Variants in PRRC2C observed in about 807,000 individuals in gnomAD.
The protein encoded by PRRC2C is proline rich coiled-coil 2C.
PRRC2C carries 72 observed loss-of-function variants against 317.2 expected under a neutral mutation model. The observed-to-expected ratio is 0.23, with a 90% CI of 0.19 to 0.28. The LOEUF is 0.28. Ranked by LOEUF, PRRC2C falls within the 10% of genes least tolerant of loss-of-function variation. The pLI, the probability that PRRC2C is intolerant of heterozygous loss-of-function variation, is 1.00. For synonymous variants in PRRC2C, 1,296 were observed against 1,205.9 expected (o/e 1.07, Z -1.55); for missense variants, 3,074 against 3,459.7 (o/e 0.89, Z 2.80).
At chr1:171,500,157 G>A (rs1668826110) in intron 1 of PRRC2C, among the ~76,000 whole-genome samples, 1 of 152,184 alleles carries the variant, frequency 6.6e-6, no homozygotes, top group Non-Finnish European at 1.5e-5. Flanking sequence ...GAAACCCATT[G>A]TGGCCAGAAA....
chr1:171,519,191 A>G (rs549067451), intron 6 of PRRC2C, among the ~76,000 whole-genome samples: 19 of 152,264 alleles, frequency 1.2e-4, no homozygotes, highest in Middle Eastern at 3.4e-3. Flanking sequence ...CTCTTTTCCT[A>G]CCACTTTGGA....
chr1:171,532,825 A>G lies in PRRC2C; in HGVS notation c.1737A>G (p.Leu579=). 1.3e-6 allele frequency: 2 copies of G among 1,595,666 alleles called. No homozygotes were observed. The highest frequency in any genetic ancestry group is 1.4e-5 in the African/African-American group (1 of 73,754). The change falls in exon 12 of 35, where the codon CTA becomes CTG. Residue 579 remains leucine, a synonymous_variant. Transcript: ENST00000647382. ...LERQKEKEKE[L]QKMKEQEKEC... is the part of the protein sequence containing the mutation. Reference sequence around the variant, plus strand: ...GGCAGAAAGAAAAGGAAAAAGAACTACAAAAGATGAAAGAACAAGAAAAGG... The same window carrying G: ...GGCAGAAAGAAAAGGAAAAAGAACTGCAAAAGATGAAAGAACAAGAAAAGG...
chr1:171,486,953 C>T (rs1666243281), intron 1 of PRRC2C, among the ~76,000 whole-genome samples: 1 of 152,158 alleles, frequency 6.6e-6, no homozygotes, highest in South Asian at 2.1e-4. Context: ...TCTGGCTCAC[C>T]CCAAATGCAT....
chr1:171,579,479 A>G lies in PRRC2C; in HGVS notation c.7272+13A>G, dbSNP rs1390880818. 7 of 1,611,660 alleles carry G rather than the reference A, an allele frequency of 4.3e-6. No individual in the cohort carries two copies. The highest frequency in any genetic ancestry group is 1.7e-6 in the Non-Finnish European group (2 of 1,179,668). ...AGGTCTCTCTCAGGTAATATCAAAGACTTCTTCCATCCTGTATTTGTTCCT... is the reference window on the plus strand; with the variant it reads ...AGGTCTCTCTCAGGTAATATCAAAGGCTTCTTCCATCCTGTATTTGTTCCT... On this transcript the variant is annotated intron_variant, in intron 27 of 34. Transcript: ENST00000647382.
chr1:171,537,341 T>C lies in PRRC2C; in HGVS notation c.2372T>C (p.Ile791Thr), dbSNP rs766825899. 9.4e-6 allele frequency: 15 copies of C among 1,597,110 alleles called. No individual in the cohort carries two copies. The highest frequency in any genetic ancestry group is 3.4e-5 in the South Asian group (3 of 87,780). Reference sequence around the variant, plus strand: ...AACAGTTCTGAGTCATTTGAGCATATAGCTCGATCTGCAAGAGATCACGCA... The same window carrying C: ...AACAGTTCTGAGTCATTTGAGCATACAGCTCGATCTGCAAGAGATCACGCA... ...SPNSSESFEHIARSARDHAIS... is the reference protein window; with the variant it reads ...SPNSSESFEHTARSARDHAIS... Residue 791 changes from isoleucine (I) to threonine (T), a missense_variant, in exon 15 of 35, where the codon ATA (isoleucine) becomes ACA (threonine). Ile to Thr is a moderately conservative substitution (Grantham distance 89). Transcript: ENST00000647382.
At chr1:171,580,014 T>C in intron 28 of PRRC2C, 50 bp downstream of exon 28, 1 of 1,393,608 alleles carries the variant, frequency 7.2e-7, no homozygotes, top group Non-Finnish European at 9.4e-7. Flanking sequence ...ACATTGTAAC[T>C]GCTGATCCTC....
At chr1:171,496,774 C>CGTGTGTGTGTGTGT (rs71688813) in intron 1 of PRRC2C, among the ~76,000 whole-genome samples, 6 of 146,782 alleles carry the variant, frequency 4.1e-5, no homozygotes, top group Admixed American at 6.8e-5. Context: ...ACATTTGGGG[C>CGTGTGTGTGTGTGT]GTGTGTGTGT....
chr1:171,526,726 T>C (rs1303109257), intron 10 of PRRC2C, among the ~76,000 whole-genome samples: 1 of 151,850 alleles, frequency 6.6e-6, no homozygotes, highest in Non-Finnish European at 1.5e-5. Flanking sequence ...ATGAGTGATA[T>C]GCTTTTATTT....
chr1:171,494,063 CAAA>C (rs2102058451), intron 1 of PRRC2C, among the ~76,000 whole-genome samples: 1 of 152,276 alleles, frequency 6.6e-6, no homozygotes, highest in Non-Finnish European at 1.5e-5. Flanking sequence ...AGAATTTAAA[CAAA>C]AACAGTTTTA....
intron 2 of PRRC2C, 104 bp from the exon 3 acceptor site, chr1:171,512,891 C>G (rs1241407457): frequency 9.9e-7 from 1 of 1,010,022 alleles, no homozygotes; most frequent in Non-Finnish European, 1.4e-6. Flanking sequence ...GAATGAAAAT[C>G]ATTCAGGGAT....
intron 1 of PRRC2C, among the ~76,000 whole-genome samples, chr1:171,487,281 A>G (rs1473999825): frequency 2.6e-5 from 4 of 152,206 alleles, no homozygotes; most frequent in Non-Finnish European, 4.4e-5. Context: ...CCAAGGTCAC[A>G]TAGCAGTTAT....
intron 23 of PRRC2C, among the ~76,000 whole-genome samples, chr1:171,570,532 C>T (rs1446749931): frequency 2.0e-5 from 3 of 152,156 alleles, no homozygotes; most frequent in Admixed American, 2.0e-4. Flanking sequence ...AAGTGATTAT[C>T]TTAAAACTCT....
chr1:171,522,529 G>C (rs1256375483), intron 7 of PRRC2C: 1 of 201,046 alleles, frequency 5.0e-6, no homozygotes, highest in Non-Finnish European at 1.0e-5. Flanking sequence ...CAGCACTTTG[G>C]AAGGCCGAGG....
At chr1:171,488,841 T>C (rs1019333860) in intron 1 of PRRC2C, among the ~76,000 whole-genome samples, 2 of 152,240 alleles carry the variant, frequency 1.3e-5, no homozygotes, top group Admixed American at 6.5e-5. Context: ...GAAATTATTA[T>C]GTGAATTATA....
rs556678900 is a variant in PRRC2C at position 171,576,716 on chromosome 1, G to T, written c.6956-718G>T. ...TGGTTTTTTTTGTTTTTTAAGAGTT[G>T]ATGTCTTGCTCTGTCGCTCAGGCTG... On this transcript the variant is annotated intron_variant, in intron 25 of 34. Transcript: ENST00000647382. Among the ~76,000 whole-genome samples, 8 of 150,164 alleles carry T rather than the reference G, an allele frequency of 5.3e-5. No homozygotes were observed. The South Asian group carries it at 1.8e-3, about 34-fold the overall frequency.
rs1651475766 is a variant in PRRC2C, at chr1:171,591,691, T to C, written c.8541T>C (p.Asp2847=). Residue 2847 remains aspartate, a synonymous_variant, in exon 35 of 35, where the codon GAT becomes GAC. Transcript: ENST00000647382. ...GGGKAQKVDS[D]SSKPPETLTD... Reference sequence around the variant, plus strand: ...GCAAAGCCCAGAAAGTGGACAGTGATTCAAGTAAACCTCCTGAAACACTGA... The same window carrying C: ...GCAAAGCCCAGAAAGTGGACAGTGACTCAAGTAAACCTCCTGAAACACTGA... 2 of 1,613,764 alleles carry C rather than the reference T, an allele frequency of 1.2e-6. No individual in the cohort carries two copies. The highest frequency in any genetic ancestry group is 1.7e-6 in the Non-Finnish European group (2 of 1,179,880).
At chr1:171,486,717 A>G (rs1666194229) in intron 1 of PRRC2C, among the ~76,000 whole-genome samples, 1 of 152,158 alleles carries the variant, frequency 6.6e-6, no homozygotes, top group Non-Finnish European at 1.5e-5. Flanking sequence ...GCTCTGCTGT[A>G]AGATTTTCAT....
rs192619255 is a variant in PRRC2C, at chr1:171,528,194, A to G, written c.1254+350A>G. On this transcript the variant is annotated intron_variant, in intron 11 of 34. Transcript: ENST00000647382. ...TGTTATCTCATATTTTAAGAAAAAC[A>G]ACTTCACAAAAACCTCTCTCTTTAC... Among the ~76,000 whole-genome samples the G allele has an allele frequency of 1.6e-4, 24 of 152,174 alleles. 1 individual carries two copies. In the East Asian group the frequency reaches 4.6e-3, roughly 29 times the overall value.
intron 34 of PRRC2C, 141 bp downstream of exon 34, chr1:171,589,746 CCTTTTTTTT>C (rs1439225963): frequency 1.4e-5 from 6 of 421,308 alleles, no homozygotes; most frequent in Non-Finnish European, 2.3e-5. Context: ...ATTCATTCCC[CCTTTTTTTT>C]CTTTTTTTTC....
Sources: gnomAD v4.1 joint callset for allele counts (sites outside exome capture counted in the v4.1 genomes callset) on GRCh38, gnomAD v4.1.1 for gene constraint, MANE v1.5 for transcripts, NCBI Gene and HGNC (gene_info 2026-07-23, HGNC 2026-07-21) for gene names.